The following MME variants were observed in gnomAD, a reference collection of about 807,000 sequenced individuals.
The protein encoded by MME is neprilysin.
In MME, 98 loss-of-function variants were observed where a neutral mutation model predicts 113.2. The observed-to-expected ratio is 0.87, with a 90% CI of 0.74 to 1.02. The LOEUF is 1.02. Among genes scored for constraint, MME ranks in the 50% least tolerant of loss-of-function variants. The pLI is 0.00. For missense variants in MME, 836 were observed against 896.0 expected, an observed-to-expected ratio of 0.93 and a Z score of 0.86; for synonymous variants, 292 against 300.6, an observed-to-expected ratio of 0.97 and a Z score of 0.30.
At chr3:155,056,305 T>A (rs1045343641) in intron 1 of MME, among the ~76,000 whole-genome samples, 20 of 150,722 alleles carry the variant, frequency 1.3e-4, no homozygotes, top group Non-Finnish European at 2.9e-5. Context: ...ATTAGGTATA[T>A]CTCCTAAAGC....
chr3:155,108,509 T>A (rs1047822050), intron 3 of MME, among the ~76,000 whole-genome samples: 4 of 151,514 alleles, frequency 2.6e-5, no homozygotes, highest in Non-Finnish European at 4.4e-5. Flanking sequence ...GGCAGGAGAA[T>A]CGCTTGAACC....
chr3:155,037,367 G>C (rs1000407621), intron 1 of MME, among the ~76,000 whole-genome samples: 1 of 152,148 alleles, frequency 6.6e-6, no homozygotes, highest in Non-Finnish European at 1.5e-5. Context: ...CCTCACTTTA[G>C]AGGAGGAAAT....
At chr3:155,081,029 G>A (rs1024350870) in intron 1 of MME, 8 of 152,176 alleles carry the variant, frequency 5.3e-5, no homozygotes, top group African/African-American at 1.9e-4. Context: ...CGTATTTCAG[G>A]CTGGGAAACA....
intron 1 of MME, among the ~76,000 whole-genome samples, chr3:155,054,167 T>C (rs1713852447): frequency 6.6e-6 from 1 of 152,234 alleles, no homozygotes; most frequent in Admixed American, 6.5e-5. Context: ...AACTTTTATT[T>C]CTTTCGTATT....
chr3:155,135,100 G>A (rs558707729), intron 8 of MME, among the ~76,000 whole-genome samples: 3 of 152,196 alleles, frequency 2.0e-5, no homozygotes, highest in South Asian at 2.1e-4. Context: ...TGTTTACTAT[G>A]TTCATAGTTT....
intron 8 of MME, among the ~76,000 whole-genome samples, chr3:155,125,178 T>A (rs1719520117): frequency 6.7e-6 from 1 of 148,406 alleles, no homozygotes; most frequent in South Asian, 2.3e-4. Flanking sequence ...GTGACCCGAT[T>A]TTCCAGGTGC....
intron 3 of MME, among the ~76,000 whole-genome samples, chr3:155,109,968 G>T (rs189846571): frequency 4.6e-5 from 7 of 152,272 alleles, no homozygotes; most frequent in Non-Finnish European, 7.3e-5. Flanking sequence ...CCACTTCCCT[G>T]TCTGGTTACT....
intron 16 of MME, among the ~76,000 whole-genome samples, chr3:155,159,563 A>T (rs1001522145): frequency 2.0e-5 from 3 of 152,040 alleles, no homozygotes; most frequent in Non-Finnish European, 4.4e-5. Flanking sequence ...CTGAGCAGAG[A>T]GACATGGGAA....
At chr3:155,077,721 ACG>A (rs1714799726), upstream of MME, among the ~76,000 whole-genome samples, 1 of 151,376 alleles carries the variant, frequency 6.6e-6, no homozygotes, top group Non-Finnish European at 1.5e-5. Flanking sequence ...ACAAAAAAAA[ACG>A]AACAACAGCA....
At chr3:155,058,343 T>G (rs867669195) in intron 1 of MME, among the ~76,000 whole-genome samples, 2 of 152,188 alleles carry the variant, frequency 1.3e-5, no homozygotes, top group East Asian at 1.9e-4. Flanking sequence ...CTATTTACTC[T>G]TCACTCCCCT....
intron 1 of MME, among the ~76,000 whole-genome samples, chr3:155,083,232 T>C (rs1559905297): frequency 1.3e-5 from 2 of 152,184 alleles, no homozygotes; most frequent in East Asian, 1.9e-4. Context: ...TATTGACGAG[T>C]TGTGTAGTCT....
In MME at chr3:155,168,874, T is replaced by A; in HGVS notation, c.1980+77T>A. 4 of 1,326,278 alleles carry A rather than the reference T, an allele frequency of 3.0e-6. No individual in the cohort carries two copies. In the South Asian group the frequency reaches 5.2e-5, roughly 17 times the overall value. The allele number at this position is 1,326,278 out of a possible 1,614,324, so 82.2% of individuals were successfully genotyped here. ...ATTTAATAATTCATTTAAAACCTTT[T>A]GCAAAAAAAGAAACTCATATAAGCA... On this transcript the variant is annotated intron_variant, in intron 20 of 22. Coordinates refer to ENST00000360490, the MANE Select transcript of MME (RefSeq NM_007289.4).
intron 1 of MME, among the ~76,000 whole-genome samples, chr3:155,061,636 A>G (rs1371795217): frequency 6.7e-6 from 1 of 149,934 alleles, no homozygotes; most frequent in Non-Finnish European, 1.5e-5. Flanking sequence ...AGATTTACTT[A>G]TTAATTCTAA....
rs1044427273 is a variant in MME, at chr3:155,080,939, T to C, written c.-11+473T>C. ...TTTAAAAAATTGTCTGGTAATTTCT[T>C]GGACTTAACCCTGTGTCTTTGGTTG... On this transcript the variant is annotated intron_variant, in intron 1 of 22. Transcript: ENST00000360490. The C allele has an allele frequency of 9.9e-5, 15 of 152,198 alleles. 1 individual carries two copies. The highest frequency in any genetic ancestry group is 3.1e-4 in the African/African-American group (13 of 41,446). The allele number at this position is 152,198 out of a possible 1,614,324, so 9.4% of individuals were successfully genotyped here.
chr3:155,031,220 T>A (rs1172684552), intron 1 of MME, among the ~76,000 whole-genome samples: 1 of 152,190 alleles, frequency 6.6e-6, no homozygotes, highest in African/African-American at 2.4e-5. Flanking sequence ...ATTAGGTCAA[T>A]AAATCATAAG....
At chr3:155,095,322 G>A (rs1046413767) in intron 3 of MME, among the ~76,000 whole-genome samples, 4 of 152,186 alleles carry the variant, frequency 2.6e-5, no homozygotes. Context: ...CAGACTGTGT[G>A]CTCAGTGAAG....
At chr3:155,051,084 TG>T (rs1713749361) in intron 1 of MME, among the ~76,000 whole-genome samples, 3 of 152,316 alleles carry the variant, frequency 2.0e-5, no homozygotes, top group African/African-American at 7.2e-5. Context: ...AGACATAAAT[TG>T]AGGAAGAAAC....
intron 2 of MME, 100 bp downstream of exon 2, chr3:155,084,427 G>T: frequency 2.5e-6 from 3 of 1,211,144 alleles, no homozygotes; most frequent in Non-Finnish European, 2.4e-6. Flanking sequence ...AAGGATAGAG[G>T]CACTTAAAGA....
intron 3 of MME, among the ~76,000 whole-genome samples, chr3:155,103,108 A>G (rs910662609): frequency 1.3e-5 from 2 of 152,170 alleles, no homozygotes; most frequent in Non-Finnish European, 2.9e-5. Context: ...CGCTTTACCT[A>G]TAACTCATAT....
Sources: allele counts gnomAD v4.1 joint callset (sites outside exome capture counted in the v4.1 genomes callset), GRCh38; gene constraint gnomAD v4.1.1; transcripts MANE v1.5; gene names NCBI Gene and HGNC (gene_info 2026-07-23, HGNC 2026-07-21).